The following TACC2 variants were observed in gnomAD, a reference collection of about 807,000 sequenced individuals.
The protein encoded by TACC2 is transforming acidic coiled-coil-containing protein 2.
Under a neutral mutation model 227.3 loss-of-function variants are expected in TACC2, and 137 were observed. That is an observed-to-expected ratio of 0.60 (90% CI 0.52 to 0.69). TACC2 has a LOEUF of 0.69. TACC2 is among the 30% of genes least tolerant of loss of function. The pLI is 0.00. For synonymous variants in TACC2, 1,523 were observed against 1,487.5 expected, an observed-to-expected ratio of 1.02 and a Z score of -0.55; for missense variants, 3,470 against 3,694.4, an observed-to-expected ratio of 0.94 and a Z score of 1.57.
intron 7 of TACC2, among the ~76,000 whole-genome samples, chr10:122,160,261 C>T (rs147345265): frequency 2.6e-5 from 4 of 152,308 alleles, no homozygotes; most frequent in East Asian, 1.9e-4. Flanking sequence ...CCTGTCTAAG[C>T]GGGCTTAGCC....
chr10:122,063,114 C>G (rs11200373), intron 3 of TACC2, among the ~76,000 whole-genome samples: 1 of 152,170 alleles, frequency 6.6e-6, no homozygotes, highest in Admixed American at 6.5e-5. Flanking sequence ...AGAAAGTGAA[C>G]CTTGGTCAAT....
At chr10:122,009,230 C>T (rs1955629667) in intron 1 of TACC2, among the ~76,000 whole-genome samples, 2 of 152,168 alleles carry the variant, frequency 1.3e-5, no homozygotes, top group Admixed American at 6.5e-5. Context: ...CTTTTGTGTA[C>T]ATTTATTTTT....
chr10:122,162,977 T>C (rs2092913854), intron 7 of TACC2, among the ~76,000 whole-genome samples: 1 of 152,008 alleles, frequency 6.6e-6, no homozygotes, highest in South Asian at 2.1e-4. Flanking sequence ...AAAGATGGTG[T>C]TGCAGCCCCA....
At chr10:122,164,942 G>A (rs1453910074) in intron 7 of TACC2, among the ~76,000 whole-genome samples, 2 of 152,158 alleles carry the variant, frequency 1.3e-5, no homozygotes, top group African/African-American at 4.8e-5. Flanking sequence ...GGAGGGATGG[G>A]GCCCCGGGGG....
chr10:122,166,239 T>C (rs1195805332), intron 7 of TACC2, among the ~76,000 whole-genome samples: 1 of 152,202 alleles, frequency 6.6e-6, no homozygotes, highest in Non-Finnish European at 1.5e-5. Context: ...AGGAGGGCCA[T>C]GGTGTAAGAG....
chr10:122,178,235 CT>C (rs919049784), intron 7 of TACC2, among the ~76,000 whole-genome samples: 2 of 132,390 alleles, frequency 1.5e-5, no homozygotes, highest in Non-Finnish European at 3.1e-5. Flanking sequence ...TTTTTTCTTT[CT>C]TTCTTTTTTT....
intron 3 of TACC2, among the ~76,000 whole-genome samples, chr10:122,068,990 G>A (rs1211120678): frequency 1.5e-5 from 2 of 131,446 alleles, no homozygotes; most frequent in Admixed American, 7.8e-5. Flanking sequence ...GAGGCACCGC[G>A]CGGGCCCAAC....
chr10:122,185,133 C>T (rs1464185250), intron 7 of TACC2, among the ~76,000 whole-genome samples: 5 of 149,296 alleles, frequency 3.3e-5, no homozygotes, highest in Admixed American at 6.7e-5. Context: ...CCCAAAGTGC[C>T]GGGATTACAG....
rs1383313182 is a variant in TACC2 at position 122,036,733 on chromosome 10, G to A, written c.34-13705G>A. ...CCTTTTGACTATAGTGAATAATGCT[G>A]TGATGAATATGGGTGTCCACGTAAG... On this transcript the variant is annotated intron_variant, in intron 2 of 22. Coordinates refer to ENST00000369005, the MANE Select transcript of TACC2 (RefSeq NM_206862.4). 4.6e-5 allele frequency among the ~76,000 whole-genome samples: 7 copies of A among 152,228 alleles called. No individual in the cohort carries two copies. The East Asian group carries it at 1.4e-3, about 29-fold the overall frequency.
chr10:122,190,602 G>A (rs768849882), intron 7 of TACC2, among the ~76,000 whole-genome samples: 5 of 152,084 alleles, frequency 3.3e-5, no homozygotes, highest in Non-Finnish European at 7.3e-5. Context: ...TGCCTGGTAC[G>A]GATAGATTAA....
At position 122,027,844 on chromosome 10, in the gene TACC2, C is replaced by T. The variant is rs550240175; in HGVS notation, c.33+5830C>T. Among the ~76,000 whole-genome samples the T allele has an allele frequency of 2.4e-4, 36 of 151,382 alleles. No individual in the cohort carries two copies. In the East Asian group the frequency reaches 4.7e-3, roughly 20 times the overall value. On this transcript the variant is annotated intron_variant, in intron 2 of 22. Transcript: ENST00000369005. The stretch of plus-strand genomic sequence containing the variant: ...CTGCAAGCTCCGCCTACCAGGTTCA[C>T]GCCATTCTCCTGCCTCAGCCTCCCG...
chr10:122,185,539 C>T (rs1344120256), intron 7 of TACC2, among the ~76,000 whole-genome samples: 5 of 152,198 alleles, frequency 3.3e-5, no homozygotes, highest in Non-Finnish European at 7.3e-5. Flanking sequence ...TCCAACATTA[C>T]CCTGCCCCTT....
At position 122,083,026 on chromosome 10, in the gene TACC2, G is replaced by A. The variant is rs1173746849; in HGVS notation, c.526G>A (p.Glu176Lys). The A allele has an allele frequency of 6.2e-7, 1 of 1,612,546 alleles. No homozygotes were observed. The change falls in exon 4 of 23, where the codon GAG becomes AAG. Residue 176 changes from glutamate to lysine, a missense_variant. Coordinates refer to ENST00000369005, the MANE Select transcript of TACC2 (RefSeq NM_206862.4). ...EIAAVPSAGRERQPKEEGQKS... is the reference protein window; with the variant it reads ...EIAAVPSAGRKRQPKEEGQKS... ...TGCTGCCGTCCCCAGTGCTGGAAGA[G>A]AGAGACAGCCGAAGGAAGAAGGACA...
Position 122,253,984 on chromosome 10 carries a change from C to A in TACC2, c.8782-7C>A, listed in dbSNP as rs988007196. The A allele has an allele frequency of 6.2e-7, 1 of 1,613,416 alleles. No individual in the cohort carries two copies. Among genetic ancestry groups the A allele is most frequent in the African/African-American group, 1.3e-5 (1 of 75,050 alleles). On this transcript the variant is annotated splice_polypyrimidine_tract_variant and splice_region_variant and intron_variant, in intron 22 of 22. Transcript: ENST00000369005. ...ATCAGCAACTTCTTCCTTGTCTTCA[C>A]TTGCAGAATAAAGAAATAGAAGAAC... is the stretch of plus-strand genomic sequence containing the variant.
At chr10:122,080,012 G>A (rs2079267975) in intron 3 of TACC2, among the ~76,000 whole-genome samples, 1 of 152,184 alleles carries the variant, frequency 6.6e-6, no homozygotes, top group African/African-American at 2.4e-5. Flanking sequence ...GCTGCCATAA[G>A]AAAACACCAC....
Position 122,079,618 on chromosome 10 carries a change from C to T in TACC2, c.147-3029C>T, listed in dbSNP as rs185816482. On this transcript the variant is annotated intron_variant, in intron 3 of 22. Coordinates refer to ENST00000369005, the MANE Select transcript of TACC2 (RefSeq NM_206862.4). ...TGCCTCCTTCAGGGATGTCAAATGA[C>T]GCCGCGTGTACTTCAGAGGTGAGGA... 4.6e-5 allele frequency among the ~76,000 whole-genome samples: 7 copies of T among 152,272 alleles called. No homozygotes were observed. In the East Asian group the frequency reaches 1.2e-3, roughly 25 times the overall value.
At position 122,194,907 on chromosome 10, in the gene TACC2, C is replaced by A; in HGVS notation, c.5835-133C>A. 1 of 795,062 alleles carries A rather than the reference C, an allele frequency of 1.3e-6. No individual in the cohort carries two copies. The highest frequency in any genetic ancestry group is 2.4e-5 in the South Asian group (1 of 41,764). The allele number at this position is 795,062 out of a possible 1,614,324, so 49.3% of individuals were successfully genotyped here. The stretch of plus-strand genomic sequence containing the variant: ...AATCACGACTGAGAAAATGACTTTC[C>A]TCTCATCTGTCCCTGCACAGTTTAA... On this transcript the variant is annotated intron_variant, in intron 7 of 22. Transcript: ENST00000369005. The surrounding 1 kb of genome is among the most constrained non-coding windows in gnomAD (Gnocchi z 4.4).
intron 10 of TACC2, among the ~76,000 whole-genome samples, 190 bp downstream of exon 10, chr10:122,215,641 G>A (rs1203909465): frequency 1.3e-5 from 2 of 152,098 alleles, no homozygotes; most frequent in South Asian, 2.1e-4. Context: ...GAAGATCAGA[G>A]TGTGTCCCGA....
At chr10:122,137,182 C>T (rs2089841231) in intron 6 of TACC2, among the ~76,000 whole-genome samples, 1 of 152,014 alleles carries the variant, frequency 6.6e-6, no homozygotes, top group Non-Finnish European at 1.5e-5. Context: ...GTTGAGCTAA[C>T]CCTGGATGAC....
Sources: allele counts gnomAD v4.1 joint callset (sites outside exome capture counted in the v4.1 genomes callset), GRCh38; gene constraint gnomAD v4.1.1; non-coding constraint Gnocchi (gnomAD v3.1); transcripts MANE v1.5; gene names NCBI Gene and HGNC (gene_info 2026-07-23, HGNC 2026-07-21).